TLE2: variants seen among roughly 807,000 people sequenced by gnomAD.
TLE2 encodes the protein TLE family member 2, transcriptional corepressor, also known as transducin-like enhancer protein 2.
In TLE2, 74 loss-of-function variants were observed where a neutral mutation model predicts 97.2. The ratio of observed to expected loss-of-function variants is 0.76; its 90% confidence interval spans 0.63 to 0.92. The LOEUF is 0.92. TLE2 is among the 40% of genes least tolerant of loss of function. The pLI is 0.00. For synonymous variants in TLE2, 499 were observed against 432.1 expected (o/e 1.15, Z -1.92); for missense variants, 1,038 against 1,008.7 (o/e 1.03, Z -0.39).
At chr19:3,037,213 A>G (rs1160293001) in intron 1 of TLE2, among the ~76,000 whole-genome samples, 3 of 152,196 alleles carry the variant, frequency 2.0e-5, no homozygotes, top group African/African-American at 7.2e-5. Flanking sequence ...TGAACCTGGG[A>G]TGCAGAGGTT....
At chr19:3,026,429 C>T (rs1269219812) in intron 4 of TLE2, among the ~76,000 whole-genome samples, 1 of 102,742 alleles carries the variant, frequency 9.7e-6, no homozygotes, top group Admixed American at 1.2e-4. Flanking sequence ...GCCTGGGCAA[C>T]AAGAGTGAAA....
At chr19:3,011,257 G>A in intron 11 of TLE2, 97 bp from the exon 12 acceptor site, 1 of 1,350,346 alleles carries the variant, frequency 7.4e-7, no homozygotes, top group Non-Finnish European at 9.9e-7. Flanking sequence ...GCCAGTCGCA[G>A]TGTCTCACAC....
At chr19:3,033,785 C>A (rs1599252394), upstream of TLE2, among the ~76,000 whole-genome samples, 4 of 152,198 alleles carry the variant, frequency 2.6e-5, no homozygotes, top group South Asian at 8.3e-4. Flanking sequence ...TTTGGGAGGC[C>A]AAAGAGGCCA....
chr19:3,028,844 G>A (rs775480649), intron 1 of TLE2, 37 bp downstream of exon 1: 3 of 1,611,728 alleles, frequency 1.9e-6, no homozygotes, highest in South Asian at 1.1e-5. Context: ...CTGAGTTCCC[G>A]GACACTGGGG....
intron 17 of TLE2, among the ~76,000 whole-genome samples, chr19:3,004,674 AAGG>A (rs1276951026): frequency 6.6e-6 from 1 of 151,486 alleles, no homozygotes; most frequent in Admixed American, 6.6e-5. Flanking sequence ...CTTAGGTTTC[AAGG>A]AGGAGGGGCA....
upstream of TLE2, among the ~76,000 whole-genome samples, chr19:3,030,533 A>C (rs993992653): frequency 6.6e-6 from 1 of 152,192 alleles, no homozygotes; most frequent in African/African-American, 2.4e-5. Context: ...CCTTGATGAC[A>C]CTTGGACTTG....
intron 4 of TLE2, among the ~76,000 whole-genome samples, chr19:3,027,135 G>A (rs2089961591): frequency 6.6e-6 from 1 of 152,238 alleles, no homozygotes; most frequent in African/African-American, 2.4e-5. Context: ...GAACCTTGAG[G>A]TCAATCTCAG....
intron 8 of TLE2, 187 bp from the exon 9 acceptor site, chr19:3,015,947 TTTTG>T (rs1160075017): frequency 4.4e-6 from 3 of 682,900 alleles, no homozygotes; most frequent in Non-Finnish European, 8.0e-6. Context: ...TTCTGTTTTG[TTTTG>T]TTTTTGACGG....
At chr19:3,020,144 G>T (rs957608786) in intron 5 of TLE2, 4 of 218,274 alleles carry the variant, frequency 1.8e-5, no homozygotes, top group Admixed American at 5.2e-5. Flanking sequence ...GCTGAGGCAG[G>T]AGAATCGCTT....
At position 3,005,543 on chromosome 19, in the gene TLE2, A is replaced by G. The variant is rs761523066; in HGVS notation, c.1790T>C (p.Ile597Thr). 3 of 1,613,590 alleles carry G rather than the reference A, an allele frequency of 1.9e-6. No homozygotes were observed. Among genetic ancestry groups the G allele is most frequent in the African/African-American group, 1.3e-5 (1 of 74,942 alleles). The change falls in exon 17 of 20, where the codon ATT (isoleucine) becomes ACT (threonine). Residue 597 changes from isoleucine (I) to threonine (T), a missense_variant. Physicochemically the swap from Ile to Thr is moderately conservative, Grantham distance 89. Coordinates refer to ENST00000262953, the MANE Select transcript of TLE2 (RefSeq NM_003260.5). ...GHTDGASCID[I>T]SDYGTRLWTG... ...CCAGAGCCGAGTGCCGTAATCGGAA[A>G]TATCAATGCAGCTGGCGCCGTCCGT... is the stretch of plus-strand genomic sequence containing the variant.
chr19:2,999,097 C>T (rs530001109), intron 19 of TLE2, among the ~76,000 whole-genome samples: 3 of 152,174 alleles, frequency 2.0e-5, no homozygotes, highest in Non-Finnish European at 4.4e-5. Context: ...GACTGGCCAA[C>T]GTGGGGAATC....
chr19:3,045,077 G>C (rs865905422), intron 1 of TLE2, among the ~76,000 whole-genome samples: 20 of 152,214 alleles, frequency 1.3e-4, no homozygotes, highest in Admixed American at 5.9e-4. Context: ...AGCTGGATGT[G>C]GTGGTGTGTG....
Position 2,997,870 on chromosome 19 carries a change from G to T in TLE2, c.2210C>A (p.Thr737Asn). ...GTCTCAGTAGACCACCTCATACACGGTGGCCTTCTTGTCCCCCGAGCCTGT... is the reference window on the plus strand; with the variant it reads ...GTCTCAGTAGACCACCTCATACACGTTGGCCTTCTTGTCCCCCGAGCCTGT... Reference protein sequence around the residue: ...IVTGSGDKKATVYEVVY With the variant: ...IVTGSGDKKANVYEVVY Residue 737 changes from threonine to asparagine, a missense_variant, in exon 20 of 20, where the codon ACC (threonine) becomes AAC (asparagine). Physicochemically the swap from Thr to Asn is moderately conservative, Grantham distance 65. Transcript: ENST00000262953. 6.2e-7 allele frequency: 1 copy of T among 1,611,160 alleles called. No individual in the cohort carries two copies. Among genetic ancestry groups the T allele is most frequent in the South Asian group, 1.1e-5 (1 of 90,270 alleles).
upstream of TLE2, chr19:3,029,564 G>C (rs1337468696): frequency 5.0e-6 from 4 of 801,474 alleles, no homozygotes; most frequent in Admixed American, 6.3e-5. Context: ...GGAGCGGGGG[G>C]GGGGGCTTGC....
intron 8 of TLE2, among the ~76,000 whole-genome samples, chr19:3,017,452 C>CTTTTTTTT (rs529847551): frequency 1.6e-5 from 2 of 123,840 alleles, no homozygotes; most frequent in African/African-American, 3.2e-5. Flanking sequence ...TTCTTTCTTT[C>CTTTTTTTT]TTTTTTTTTT....
rs1336351237 is a variant in TLE2, at chr19:3,028,344, G to A, written c.161C>T (p.Thr54Met). Residue 54 changes from threonine to methionine, a missense_variant, in exon 3 of 20, where the codon ACG (threonine) becomes ATG (methionine). Coordinates refer to ENST00000262953, the MANE Select transcript of TLE2 (RefSeq NM_003260.5). The part of the protein sequence containing the change: ...LECEKLASEK[T>M]EMQRHYVMYY... ...CATGACATAATGTCGCTGCATTTCC[G>A]TCTTCTCGCTGGCCAGCTTCTCACA... The A allele has an allele frequency of 3.1e-6, 5 of 1,609,748 alleles. No individual in the cohort carries two copies. Among genetic ancestry groups the A allele is most frequent in the Middle Eastern group, 1.7e-4 (1 of 6,012 alleles).
upstream of TLE2, among the ~76,000 whole-genome samples, chr19:3,033,623 C>T (rs140985614): frequency 1.3e-5 from 2 of 152,272 alleles, no homozygotes; most frequent in East Asian, 1.9e-4. Context: ...TGCCTAAGCC[C>T]CTGGCTCTGG....
chr19:3,022,489 A>G (rs1599235735), intron 5 of TLE2, among the ~76,000 whole-genome samples: 1 of 151,782 alleles, frequency 6.6e-6, no homozygotes, highest in East Asian at 2.0e-4. Context: ...AGATCGTGCC[A>G]TTGCACTCCA....
At chr19:3,011,218 G>T in intron 11 of TLE2, 58 bp from the exon 12 acceptor site, 3 of 1,502,026 alleles carry the variant, frequency 2.0e-6, no homozygotes, top group African/African-American at 1.4e-5. Flanking sequence ...GTGGCCCAAC[G>T]ATCTGATCAG....
Sources: allele counts gnomAD v4.1 joint callset (sites outside exome capture counted in the v4.1 genomes callset), GRCh38; gene constraint gnomAD v4.1.1; transcripts MANE v1.5; gene names NCBI Gene and HGNC (gene_info 2026-07-23, HGNC 2026-07-21).